The following EIF4G3 variants were observed in gnomAD, a reference collection of about 807,000 sequenced individuals.
EIF4G3 encodes the protein eIF-4-gamma 3.
A neutral mutation model predicts 186.4 loss-of-function variants in EIF4G3; 34 were observed. The observed-to-expected ratio is 0.18, with a 90% CI of 0.14 to 0.24. EIF4G3 has a LOEUF of 0.24. Ranked by LOEUF, EIF4G3 falls within the 10% of genes least tolerant of loss-of-function variation. The pLI is 1.00. For synonymous variants in EIF4G3, 673 were observed against 679.5 expected, an observed-to-expected ratio of 0.99 and a Z score of 0.15; for missense variants, 1,536 against 1,948.5, an observed-to-expected ratio of 0.79 and a Z score of 3.99.
At position 21,026,936 on chromosome 1, in the gene EIF4G3, C is replaced by CAA. The variant is rs146144076; in HGVS notation, c.-67+23928_-67+23929dup. ...TGCGTGACAGAGGGAGACACTGTCT[C>CAA]AAAAAAAAAAAAAAAAAAAGTTAAT... On this transcript the variant is annotated intron_variant, in intron 4 of 36. Transcript: ENST00000602326. Among the ~76,000 whole-genome samples, 206 of 88,102 alleles carry CAA rather than the reference C, an allele frequency of 2.3e-3. 2 individuals carry two copies. The highest frequency in any genetic ancestry group is 9.3e-3 in the East Asian group (29 of 3,106). 57.8% of individuals were successfully genotyped at this position (88,102 alleles called of 152,430 possible).
rs1263528986 is a variant in EIF4G3, at chr1:20,849,472, T to C, written c.3831A>G (p.Glu1277=). 6.4e-7 allele frequency: 1 copy of C among 1,573,314 alleles called. No individual in the cohort carries two copies. Among genetic ancestry groups the C allele is most frequent in the African/African-American group, 1.4e-5 (1 of 72,664 alleles). ...TGATAGATTTCGACTTCCTCTCCAG[T>C]TCCTCTTCTGATAATGCAGCCTTGT... is the stretch of plus-strand genomic sequence containing the variant. ...AHDKAALSEE[E]LERKSKSIID... Residue 1277 remains glutamate (E), a synonymous_variant, in exon 29 of 37, where the codon GAA becomes GAG. Transcript: ENST00000602326.
At chr1:21,165,623 G>T (rs1222786572) in intron 2 of EIF4G3, among the ~76,000 whole-genome samples, 1 of 152,046 alleles carries the variant, frequency 6.6e-6, no homozygotes, top group Non-Finnish European at 1.5e-5. Flanking sequence ...TTCAAAATAG[G>T]CAGATATATA....
intron 22 of EIF4G3, 62 bp downstream of exon 22, chr1:20,864,414 C>G (rs1571874518): frequency 8.3e-7 from 1 of 1,198,154 alleles, no homozygotes; most frequent in African/African-American, 1.5e-5. Flanking sequence ...TGTTGACAGT[C>G]TAAGTTCTTT....
chr1:20,955,695 G>T (rs1407922114), intron 12 of EIF4G3, among the ~76,000 whole-genome samples: 3 of 152,236 alleles, frequency 2.0e-5, no homozygotes, highest in African/African-American at 7.2e-5. Flanking sequence ...CTTAAAGGTT[G>T]GGGGTAAACT....
Position 20,899,908 on chromosome 1 carries a change from T to C in EIF4G3, c.1788A>G (p.Val596=). 1 of 1,613,608 alleles carries C rather than the reference T, an allele frequency of 6.2e-7. No individual in the cohort carries two copies. The change falls in exon 16 of 37, where the codon GTA becomes GTG. Residue 596 remains valine, a synonymous_variant. Transcript: ENST00000602326. Reference sequence around the variant, plus strand: ...TCATTTTATCTTGTTCAGATTCAAGTACTTTGTCAATGGAAAGCTCCTCTT... The same window carrying C: ...TCATTTTATCTTGTTCAGATTCAAGCACTTTGTCAATGGAAAGCTCCTCTT... The part of the protein sequence containing the change: ...KAEEELSIDK[V]LESEQDKMSQ...
rs748364883 is a variant in EIF4G3 at position 20,941,648 on chromosome 1, G to C, written c.1506C>G (p.Ile502Met). 2 of 1,614,114 alleles carry C rather than the reference G, an allele frequency of 1.2e-6. No individual in the cohort carries two copies. The highest frequency in any genetic ancestry group is 2.2e-5 in the South Asian group (2 of 91,070). ...ATTVSSPSAAITVQRVLEEDE... is the reference protein window; with the variant it reads ...ATTVSSPSAAMTVQRVLEEDE... ...CCTCCTCTAGGACTCTCTGGACTGT[G>C]ATGGCAGCACTCGGAGAACTAACAG... The change falls in exon 14 of 37, where the codon ATC becomes ATG. Residue 502 changes from isoleucine (I) to methionine (M), a missense_variant. Ile to Met is a conservative substitution (Grantham distance 10, BLOSUM62 1). Around this residue, in one of 11 missense-constraint regions of EIF4G3, gnomAD observed 560 missense variants for 547.8 expected, o/e 1.02. Transcript: ENST00000602326.
At chr1:20,814,748 T>TCTCC (rs1557737503) in intron 34 of EIF4G3, among the ~76,000 whole-genome samples, 2 of 7,938 alleles carry the variant, frequency 2.5e-4, no homozygotes, top group Non-Finnish European at 6.8e-4. Context: ...TAAAAATTCA[T>TCTCC]CTCCCCCTCC....
intron 8 of EIF4G3, among the ~76,000 whole-genome samples, chr1:20,981,622 A>C (rs2078135024): frequency 8.1e-6 from 1 of 123,886 alleles, no homozygotes; most frequent in East Asian, 2.4e-4. Context: ...GTATGTATAC[A>C]TACATGTATA....
intron 6 of EIF4G3, 98 bp downstream of exon 6, chr1:21,001,101 G>A (rs1468823058): frequency 2.3e-6 from 1 of 440,498 alleles, no homozygotes; most frequent in Non-Finnish European, 4.7e-6. Context: ...AGCAATCAAT[G>A]CATTTCTGTT....
chr1:21,092,494 A>T (rs148955410), intron 2 of EIF4G3, among the ~76,000 whole-genome samples: 70 of 152,106 alleles, frequency 4.6e-4, no homozygotes, highest in African/African-American at 1.6e-3. Flanking sequence ...TGGCCTCATA[A>T]AATCAATATC....
chr1:20,901,910 T>C (rs1298623854), intron 15 of EIF4G3, among the ~76,000 whole-genome samples: 1 of 152,146 alleles, frequency 6.6e-6, no homozygotes, highest in Non-Finnish European at 1.5e-5. Context: ...ACTCTGTGCT[T>C]AATGCAATGT....
At chr1:21,111,312 A>G (rs2102179351) in intron 2 of EIF4G3, 1 of 471,378 alleles carries the variant, frequency 2.1e-6, no homozygotes. Flanking sequence ...TTCGTTTGCC[A>G]GCTAGATTAC....
chr1:21,049,638 T>C (rs777905236), intron 4 of EIF4G3, among the ~76,000 whole-genome samples: 7 of 152,294 alleles, frequency 4.6e-5, no homozygotes, highest in Admixed American at 6.5e-5. Context: ...AAACATTCTA[T>C]AGTCTAAAAT....
rs1307458747 is a variant in EIF4G3, at chr1:21,053,102, C to T, written c.-195-2108G>A. Among the ~76,000 whole-genome samples, 624 of 151,896 alleles carry T rather than the reference C, an allele frequency of 4.1e-3. 1 individual carries two copies. Among genetic ancestry groups the T allele is most frequent in the Non-Finnish European group, 5.6e-3 (377 of 67,894 alleles). ...GCCCAGTCTGGAAAGTGAGGAGCGT[C>T]TCTGCCCGGCCGCCATCCCATCTAG... On this transcript the variant is annotated intron_variant, in intron 3 of 36. Coordinates refer to ENST00000602326, the MANE Select transcript of EIF4G3 (RefSeq NM_001391906.1).
At position 21,024,700 on chromosome 1, in the gene EIF4G3, G is replaced by A. The variant is rs868408543; in HGVS notation, c.-66-21892C>T. 9.3e-4 allele frequency among the ~76,000 whole-genome samples: 139 copies of A among 150,144 alleles called. 1 individual carries two copies. Among genetic ancestry groups the A allele is most frequent in the Middle Eastern group, 3.4e-3 (1 of 292 alleles). ...ACAGATGCCTGAAGGCAGCATGCTC[G>A]TTAAGAGTCATCACCAATCCCTAAT... On this transcript the variant is annotated intron_variant, in intron 4 of 36. Coordinates refer to ENST00000602326, the MANE Select transcript of EIF4G3 (RefSeq NM_001391906.1).
intron 14 of EIF4G3, among the ~76,000 whole-genome samples, chr1:20,934,854 CCTA>C (rs901556502): frequency 5.6e-4 from 86 of 152,266 alleles, no homozygotes; most frequent in African/African-American, 1.9e-3. Context: ...AATCTTACCT[CCTA>C]CTGAGGCCTA....
At position 21,176,231 on chromosome 1, in the gene EIF4G3, T is replaced by G. The variant is rs933381648; in HGVS notation, c.-328A>C. On this transcript the variant is annotated 5_prime_UTR_variant, in exon 2 of 37. Transcript: ENST00000602326. ...TGTTCGGGTGAGGAGGGGGGACCGC[T>G]GCCGCCGCCGCCGCCGCCGCCGCCG... is the stretch of plus-strand genomic sequence containing the variant. 7 of 346,286 alleles carry G rather than the reference T, an allele frequency of 2.0e-5. No homozygotes were observed. The highest frequency in any genetic ancestry group is 3.5e-5 in the Non-Finnish European group (7 of 198,600). The allele number at this position is 346,286 out of a possible 1,614,324, so 21.5% of individuals were successfully genotyped here.
In EIF4G3 at chr1:20,857,179, A is replaced by AAAAAAG. The variant is rs60439467; in HGVS notation, c.3339+223_3339+224insCTTTTT. On this transcript the variant is annotated intron_variant, in intron 25 of 36. Transcript: ENST00000602326. ...CTCCATCTCAAAAAAAAAAAAAAAAAGAAAATGTAGAAATGAGTTTGTAGA... is the reference window on the plus strand; with the variant it reads ...CTCCATCTCAAAAAAAAAAAAAAAAAAAAAAGGAAAATGTAGAAATGAGTTTGTAGA... 5.3e-5 allele frequency among the ~76,000 whole-genome samples: 8 copies of AAAAAAG among 150,564 alleles called. No individual in the cohort carries two copies. The East Asian group carries it at 1.6e-3, about 29-fold the overall frequency.
rs1023899703 is a variant in EIF4G3 at position 20,860,506 on chromosome 1, T to A, written c.3123A>T (p.Val1041=). ...TAGGCCCTTGATCTGCTCTTCGAGATACCCAATTGCACTATAAAAGCAGAA... is the reference window on the plus strand; with the variant it reads ...TAGGCCCTTGATCTGCTCTTCGAGAAACCCAATTGCACTATAAAAGCAGAA... ...DVIDLRLCNW[V]SRRADQGPKT... is the part of the protein sequence containing the mutation. The change falls in exon 24 of 37, where the codon GTA becomes GTT. Residue 1041 remains valine (V), a synonymous_variant. Transcript: ENST00000602326. 1 of 1,613,892 alleles carries A rather than the reference T, an allele frequency of 6.2e-7. No homozygotes were observed. The highest frequency in any genetic ancestry group is 8.5e-7 in the Non-Finnish European group (1 of 1,179,962).
Sources: gnomAD v4.1 joint callset for allele counts (sites outside exome capture counted in the v4.1 genomes callset) on GRCh38, gnomAD v4.1.1 for gene constraint, gnomAD v4.1.1 regional missense constraint, MANE v1.5 for transcripts, NCBI Gene and HGNC (gene_info 2026-07-23, HGNC 2026-07-21) for gene names.